Variants in RGS12 observed in about 807,000 individuals in gnomAD.
The protein encoded by RGS12 is regulator of G-protein signaling 12.
In RGS12, 66 loss-of-function variants were observed where a neutral mutation model predicts 120.1. The ratio of observed to expected loss-of-function variants is 0.55; its 90% CI spans 0.45 to 0.67. The LOEUF (loss-of-function observed/expected upper bound fraction) is 0.67, where lower values mean the gene tolerates loss of function less well. Among genes scored for constraint, RGS12 ranks in the 30% least tolerant of loss-of-function variants. The pLI is 0.00. For missense variants in RGS12, 1,859 were observed against 1,957.7 expected (o/e 0.95, Z 0.95); for synonymous variants, 827 against 804.7 (o/e 1.03, Z -0.47).
chr4:3,390,384 G>A lies in RGS12; in HGVS notation c.2020+3947G>A, dbSNP rs2108989637. Among the ~76,000 whole-genome samples, 1 of 152,334 alleles carries A rather than the reference G, an allele frequency of 6.6e-6. No homozygotes were observed. Among genetic ancestry groups the A allele is most frequent in the Non-Finnish European group, 1.5e-5 (1 of 68,040 alleles). ...CGGCACAGCGGCTGGCACGAGAGCTGTCTGTTGAGTGAATGATCGGGTGTT... is the reference window on the plus strand; with the variant it reads ...CGGCACAGCGGCTGGCACGAGAGCTATCTGTTGAGTGAATGATCGGGTGTT... On this transcript the variant is annotated intron_variant, in intron 4 of 17. Coordinates refer to ENST00000336727, the MANE Select transcript of RGS12 (RefSeq NM_001394154.1). The surrounding 1 kb of genome is among the most constrained non-coding windows in gnomAD (Gnocchi z 4.6).
chr4:3,419,796 G>C (rs981892355), intron 9 of RGS12, among the ~76,000 whole-genome samples: 3 of 152,168 alleles, frequency 2.0e-5, no homozygotes, highest in Non-Finnish European at 1.5e-5. Flanking sequence ...ACTCCAGCCT[G>C]GGGGACACAG....
At chr4:3,310,349 G>T (rs1324745625) in intron 1 of RGS12, among the ~76,000 whole-genome samples, 1 of 151,172 alleles carries the variant, frequency 6.6e-6, no homozygotes, top group African/African-American at 2.4e-5. Flanking sequence ...AGGAGCTGGG[G>T]CCTGGAAGGC....
chr4:3,381,022 T>C (rs565170323), intron 3 of RGS12, among the ~76,000 whole-genome samples: 1 of 152,372 alleles, frequency 6.6e-6, no homozygotes, highest in Non-Finnish European at 1.5e-5. Flanking sequence ...TGCTTCCTCT[T>C]GAATGCTTTG....
At chr4:3,359,820 G>A (rs932216333) in intron 3 of RGS12, among the ~76,000 whole-genome samples, 6 of 151,582 alleles carry the variant, frequency 4.0e-5, no homozygotes, top group Admixed American at 6.6e-5. Flanking sequence ...ATAGGGTTTC[G>A]CCATGTTGGC....
intron 3 of RGS12, among the ~76,000 whole-genome samples, chr4:3,351,720 G>A (rs1392027076): frequency 2.0e-5 from 3 of 152,136 alleles, no homozygotes; most frequent in Non-Finnish European, 2.9e-5. Flanking sequence ...CCAGTGCTGC[G>A]TTTTTCCTGA....
At chr4:3,300,745 C>T (rs548877708) in intron 1 of RGS12, among the ~76,000 whole-genome samples, 2 of 152,234 alleles carry the variant, frequency 1.3e-5, no homozygotes, top group East Asian at 3.8e-4. Flanking sequence ...CATTCTCTCA[C>T]GTGGCTTTCT....
intron 2 of RGS12, among the ~76,000 whole-genome samples, chr4:3,338,162 G>A (rs969629837): frequency 1.3e-5 from 2 of 152,208 alleles, no homozygotes; most frequent in African/African-American, 4.8e-5. Context: ...CCAGGTTCAA[G>A]CGATTCTCCT....
Position 3,402,635 on chromosome 4 carries a change from G to T in RGS12, c.2021-11437G>T, listed in dbSNP as rs1334007736. On this transcript the variant is annotated intron_variant, in intron 4 of 17. Coordinates refer to ENST00000336727, the MANE Select transcript of RGS12 (RefSeq NM_001394154.1). ...GGCCCCTGGGCTTCTGCATTGGGTG[G>T]CGTCCTCTGCGTTGGGTGGCGTCCT... is the stretch of plus-strand genomic sequence containing the variant. Among the ~76,000 whole-genome samples the T allele has an allele frequency of 2.1e-5, 3 of 142,786 alleles. No homozygotes were observed. The East Asian group carries it at 5.8e-4, about 28-fold the overall frequency. 93.7% of individuals were successfully genotyped at this position (142,786 alleles called of 152,430 possible). A position where few individuals can be genotyped will look rare whatever the true frequency, so the allele number is the denominator to read the frequency against.
chr4:3,431,811 C>T lies in RGS12; in HGVS notation c.4114+856C>T, dbSNP rs868351160. 10 of 985,576 alleles carry T rather than the reference C, an allele frequency of 1.0e-5. No individual in the cohort carries two copies. The South Asian group carries it at 4.7e-4, about 46-fold the overall frequency. 61.1% of individuals were successfully genotyped at this position (985,576 alleles called of 1,614,324 possible). A position where few individuals can be genotyped will look rare whatever the true frequency, so the allele number is the denominator to read the frequency against. ...TTGCTGCTGGGGGCGATGGGAGCGC[C>T]TCTCCGTCCTGTGCCCTGGTCCAGG... On this transcript the variant is annotated intron_variant, in intron 17 of 17. Transcript: ENST00000336727.
intron 3 of RGS12, chr4:3,370,253 G>A (rs761036493): frequency 1.2e-6 from 2 of 1,613,834 alleles, no homozygotes; most frequent in Non-Finnish European, 1.7e-6. Flanking sequence ...GCCTAGTGTG[G>A]CTCGGTGCCT....
At chr4:3,362,482 ATGT>A (rs1560114142) in intron 3 of RGS12, among the ~76,000 whole-genome samples, 15 of 44,296 alleles carry the variant, frequency 3.4e-4, no homozygotes, top group South Asian at 9.8e-4. Flanking sequence ...GGGTGTGTGT[ATGT>A]GAGGGTGTGT....
chr4:3,364,010 G>A (rs1466481739), intron 3 of RGS12, among the ~76,000 whole-genome samples: 2 of 152,188 alleles, frequency 1.3e-5, no homozygotes, highest in African/African-American at 4.8e-5. Context: ...TCAGTCACAT[G>A]GTCTGTGGTT....
chr4:3,293,646 G>T (rs1342843615), intron 1 of RGS12, among the ~76,000 whole-genome samples: 1 of 152,116 alleles, frequency 6.6e-6, no homozygotes, highest in African/African-American at 2.4e-5. Context: ...GAGCCGTGCG[G>T]TGTAGACAGA....
At chr4:3,417,616 T>C in intron 9 of RGS12, 75 bp downstream of exon 9, 1 of 1,538,220 alleles carries the variant, frequency 6.5e-7, no homozygotes, top group African/African-American at 1.4e-5. Context: ...GCTCTGGTGG[T>C]TGGCGGTGAC....
chr4:3,287,190 G>A, the RGS12 span, among the ~76,000 whole-genome samples: 1 of 152,234 alleles, frequency 6.6e-6, no homozygotes, highest in Non-Finnish European at 1.5e-5. Flanking sequence ...GGAGGGCGGC[G>A]TTTGCGTGAT....
At chr4:3,380,776 G>A (rs2108940113) in intron 3 of RGS12, among the ~76,000 whole-genome samples, 1 of 152,290 alleles carries the variant, frequency 6.6e-6, no homozygotes, top group East Asian at 1.9e-4. Flanking sequence ...GGGAGGCCTT[G>A]GGTCCAGCCC....
At chr4:3,333,535 A>C (rs1196966514) in intron 2 of RGS12, among the ~76,000 whole-genome samples, 2 of 152,232 alleles carry the variant, frequency 1.3e-5, no homozygotes, top group Non-Finnish European at 2.9e-5. Flanking sequence ...TATGAAAAGA[A>C]TCAGGTGAGA....
intron 4 of RGS12, among the ~76,000 whole-genome samples, chr4:3,408,418 C>A (rs1224981933): frequency 6.6e-6 from 1 of 152,200 alleles, no homozygotes; most frequent in African/African-American, 2.4e-5. Context: ...AAATGGTGCT[C>A]AGGGGGCTCT....
intron 1 of RGS12, among the ~76,000 whole-genome samples, chr4:3,313,565 C>A (rs949932718): frequency 6.6e-6 from 1 of 152,208 alleles, no homozygotes; most frequent in African/African-American, 2.4e-5. Context: ...AACACACATT[C>A]ATTCTCCTGC....
Sources: allele counts gnomAD v4.1 joint callset (sites outside exome capture counted in the v4.1 genomes callset), GRCh38; gene constraint gnomAD v4.1.1; non-coding constraint Gnocchi (gnomAD v3.1); transcripts MANE v1.5; gene names NCBI Gene and HGNC (gene_info 2026-07-23, HGNC 2026-07-21).